PHKB: variants seen among roughly 807,000 people sequenced by gnomAD.
PHKB encodes phosphorylase kinase regulatory subunit beta.
In PHKB, 122 loss-of-function variants were observed where a neutral mutation model predicts 152.1. That is an observed-to-expected ratio of 0.80 (90% CI 0.69 to 0.93). The LOEUF (loss-of-function observed/expected upper bound fraction) is 0.93. PHKB is among the 40% of genes least tolerant of loss of function. The pLI is 0.00. For synonymous variants in PHKB, 436 were observed against 464.9 expected (o/e 0.94, Z 0.80); for missense variants, 1,304 against 1,328.4 (o/e 0.98, Z 0.29).
intron 7 of PHKB, chr16:47,565,942 G>A (rs144712014): frequency 1.4e-4 from 128 of 938,592 alleles, no homozygotes; most frequent in Non-Finnish European, 1.7e-4. Context: ...CTATCATCAC[G>A]CCTATAATCA....
intron 25 of PHKB, among the ~76,000 whole-genome samples, chr16:47,666,539 C>T (rs537697295): frequency 9.8e-5 from 15 of 152,368 alleles, no homozygotes; most frequent in African/African-American, 3.1e-4. Flanking sequence ...TCACCTCCTC[C>T]TCACGGAGCC....
intron 6 of PHKB, among the ~76,000 whole-genome samples, chr16:47,531,524 A>G (rs1281081752): frequency 3.9e-5 from 6 of 152,220 alleles, no homozygotes; most frequent in Non-Finnish European, 8.8e-5. Flanking sequence ...AAAATAATCC[A>G]TTACAGGCTA....
chr16:47,486,027 C>G lies in PHKB; in HGVS notation c.77-11372C>G, dbSNP rs566468982. The stretch of plus-strand genomic sequence containing the variant: ...GAAACATATTTTGTCAGCTTCTGTC[C>G]TTTTTCTTCCTTCCTACTAAACATT... On this transcript the variant is annotated intron_variant, in intron 1 of 30. Transcript: ENST00000323584. Among the ~76,000 whole-genome samples, 15 of 151,768 alleles carry G rather than the reference C, an allele frequency of 9.9e-5. No individual in the cohort carries two copies. The East Asian group carries it at 2.9e-3, about 29-fold the overall frequency.
rs185662508 is a variant in PHKB at position 47,545,548 on chromosome 16, G to A, written c.595-1885G>A. Among the ~76,000 whole-genome samples, 505 of 152,230 alleles carry A rather than the reference G, an allele frequency of 3.3e-3. 3 individuals carry two copies. Among genetic ancestry groups the A allele is most frequent in the African/African-American group, 0.012 (482 of 41,546 alleles). ...ATATTTTTTCCTTCATTTCAACCTT[G>A]GTGAATTTGACAATTATGTGTCTTG... is the stretch of plus-strand genomic sequence containing the variant. On this transcript the variant is annotated intron_variant, in intron 6 of 30. Transcript: ENST00000323584.
intron 6 of PHKB, among the ~76,000 whole-genome samples, chr16:47,522,355 G>A (rs1970698530): frequency 6.6e-6 from 1 of 151,732 alleles, no homozygotes; most frequent in African/African-American, 2.4e-5. Flanking sequence ...TCCTATTTAA[G>A]TCCTCTTTAT....
chr16:47,600,944 G>A (rs564044731), intron 13 of PHKB, among the ~76,000 whole-genome samples: 157 of 152,312 alleles, frequency 1.0e-3, no homozygotes, highest in Non-Finnish European at 2.0e-3. Context: ...AGGAGTTCGC[G>A]ACTAGCCTCG....
At chr16:47,553,974 G>A (rs1406848981) in intron 7 of PHKB, among the ~76,000 whole-genome samples, 3 of 152,110 alleles carry the variant, frequency 2.0e-5, no homozygotes, top group African/African-American at 4.8e-5. Flanking sequence ...GATATCTGTC[G>A]GCCCCTGCTG....
chr16:47,562,391 C>T (rs546767769), intron 7 of PHKB: 1 of 152,116 alleles, frequency 6.6e-6, no homozygotes, highest in Non-Finnish European at 1.5e-5. Context: ...TATTTTTTAT[C>T]TTAAAGGATT....
chr16:47,542,165 A>G lies in PHKB; in HGVS notation c.595-5268A>G, dbSNP rs536615211. 3.3e-5 allele frequency among the ~76,000 whole-genome samples: 5 copies of G among 152,084 alleles called. No individual in the cohort carries two copies. In the South Asian group the frequency reaches 1.0e-3, roughly 32 times the overall value. ...TAAGTCTTTAATTCATCTTGAATTAATTTTCCTATAAGGTATAAGGTATAA... is the reference window on the plus strand; with the variant it reads ...TAAGTCTTTAATTCATCTTGAATTAGTTTTCCTATAAGGTATAAGGTATAA... On this transcript the variant is annotated intron_variant, in intron 6 of 30. Transcript: ENST00000323584.
At chr16:47,466,133 T>C (rs1011990325) in intron 1 of PHKB, among the ~76,000 whole-genome samples, 2 of 152,206 alleles carry the variant, frequency 1.3e-5, no homozygotes, top group Non-Finnish European at 2.9e-5. Flanking sequence ...CATACTTGAG[T>C]TGTGCTGTTA....
chr16:47,610,069 T>C (rs1972398000), intron 13 of PHKB, among the ~76,000 whole-genome samples: 1 of 151,814 alleles, frequency 6.6e-6, no homozygotes, highest in Non-Finnish European at 1.5e-5. Context: ...CTTGGCTCAC[T>C]GCACCTTCCA....
intron 7 of PHKB, among the ~76,000 whole-genome samples, chr16:47,574,072 G>A (rs181298607): frequency 7.9e-5 from 12 of 152,140 alleles, no homozygotes; most frequent in African/African-American, 2.2e-4. Flanking sequence ...GGCATGCACC[G>A]CCACACCCAG....
rs144657506 is a variant in PHKB, at chr16:47,699,341, A to G, written c.3257A>G (p.Asn1086Ser). 16 of 1,614,076 alleles carry G rather than the reference A, an allele frequency of 9.9e-6. No homozygotes were observed. In the Admixed American group the frequency reaches 2.0e-4, roughly 20 times the overall value. ...LLLEGEVKPN[N>S]DDPCLIS ...CTGGAAGGAGAAGTCAAGCCAAACA[A>G]TGATGACCCGTGTCTGATTAGCTAG... Residue 1086 changes from asparagine to serine, a missense_variant, in exon 31 of 31, where the codon AAT becomes AGT. By Grantham distance (46) the Asn-to-Ser change is conservative (BLOSUM62 1). Transcript: ENST00000323584.
chr16:47,640,588 G>T (rs1420582663), intron 14 of PHKB, among the ~76,000 whole-genome samples: 7 of 152,120 alleles, frequency 4.6e-5, no homozygotes, highest in Non-Finnish European at 1.5e-5. Context: ...AGGAAAACTG[G>T]TTAACAAGAA....
chr16:47,494,686 A>G (rs1597029132), intron 1 of PHKB, among the ~76,000 whole-genome samples: 1 of 152,380 alleles, frequency 6.6e-6, no homozygotes, highest in East Asian at 1.9e-4. Context: ...CATGGAAAAG[A>G]AAAATTAACA....
At chr16:47,626,158 C>G (rs1972706336) in intron 14 of PHKB, among the ~76,000 whole-genome samples, 2 of 152,120 alleles carry the variant, frequency 1.3e-5, no homozygotes, top group South Asian at 2.1e-4. Flanking sequence ...TATAGAAAAC[C>G]CTTAGGTTTA....
chr16:47,552,015 A>G (rs528561160), intron 7 of PHKB, among the ~76,000 whole-genome samples: 1 of 152,252 alleles, frequency 6.6e-6, no homozygotes, highest in East Asian at 1.9e-4. Context: ...AGTCTGTTTT[A>G]TCAGAGACTA....
chr16:47,687,597 C>T (rs77525014), intron 26 of PHKB, among the ~76,000 whole-genome samples: 1,907 of 152,230 alleles, frequency 0.013, 31 homozygotes, highest in South Asian at 0.054. Context: ...ATTGCTCTTA[C>T]CAATGAGCAG....
chr16:47,489,093 G>A lies in PHKB; in HGVS notation c.77-8306G>A, dbSNP rs778467535. On this transcript the variant is annotated intron_variant, in intron 1 of 30. Transcript: ENST00000323584. ...TTTTGAGACAGAGTCTTGCTCTGCCGCCCAGGCTGGAGCGCAGTGGTGCAA... is the reference window on the plus strand; with the variant it reads ...TTTTGAGACAGAGTCTTGCTCTGCCACCCAGGCTGGAGCGCAGTGGTGCAA... 2.7e-4 allele frequency among the ~76,000 whole-genome samples: 41 copies of A among 151,900 alleles called. 1 individual carries two copies. The Middle Eastern group carries it at 0.01, about 38-fold the overall frequency.
Sources: allele counts gnomAD v4.1 joint callset (sites outside exome capture counted in the v4.1 genomes callset), GRCh38; gene constraint gnomAD v4.1.1; transcripts MANE v1.5; gene names NCBI Gene and HGNC (gene_info 2026-07-23, HGNC 2026-07-21).